The following UBR1 variants were observed in gnomAD, a reference collection of about 807,000 sequenced individuals.
UBR1 encodes ubiquitin protein ligase E3 component n-recognin 1, also known as E3 ubiquitin-protein ligase UBR1.
A neutral mutation model predicts 242.1 loss-of-function variants in UBR1; 102 were observed. The ratio of observed to expected loss-of-function variants is 0.42; its 90% CI spans 0.36 to 0.50. The LOEUF (loss-of-function observed/expected upper bound fraction) is 0.50, where lower values mean the gene tolerates loss of function less well. Ranked by LOEUF, UBR1 falls within the 20% of genes least tolerant of loss-of-function variation. UBR1 has a pLI of 0.01. For missense variants in UBR1, 1,772 were observed against 2,101.8 expected, an observed-to-expected ratio of 0.84 and a Z score of 3.07; for synonymous variants, 675 against 684.8, an observed-to-expected ratio of 0.99 and a Z score of 0.22.
chr15:43,013,270 T>C (rs1160262573), intron 29 of UBR1, among the ~76,000 whole-genome samples: 3 of 152,204 alleles, frequency 2.0e-5, no homozygotes, highest in African/African-American at 7.2e-5. Context: ...GTGGGTACTT[T>C]CAATATTTTA....
intron 1 of UBR1, among the ~76,000 whole-genome samples, chr15:43,089,356 G>A (rs367662879): frequency 1.1e-4 from 16 of 151,740 alleles, no homozygotes; most frequent in Admixed American, 2.6e-4. Context: ...TTAGCCAGGC[G>A]TGGTGGTAGG....
intron 46 of UBR1, among the ~76,000 whole-genome samples, chr15:42,945,768 C>CT (rs1430900206): frequency 6.6e-6 from 1 of 152,140 alleles, no homozygotes; most frequent in African/African-American, 2.4e-5. Flanking sequence ...CAGCACTATT[C>CT]TTTTTTGGTG....
rs915536049 is a variant in UBR1 at position 43,021,373 on chromosome 15, A to T, written c.2842T>A (p.Leu948Met). 4.3e-6 allele frequency: 7 copies of T among 1,613,346 alleles called. No homozygotes were observed. The highest frequency in any genetic ancestry group is 1.7e-4 in the Middle Eastern group (1 of 6,056). The change falls in exon 27 of 47, where the codon TTG becomes ATG. Residue 948 changes from leucine (L) to methionine (M), a missense_variant and splice_region_variant. By Grantham distance (15) the Leu-to-Met change is conservative. This residue lies in a region of UBR1 where 965 missense variants were observed against 1,079.7 expected (regional missense o/e 0.89). Transcript: ENST00000290650. ...TGTATATTCATGGCTGAACTTCCCA[A>T]TCCTTTTTTAAAACACAAAATCACA... ...TFDFYHKASRLGSSAMNIQML... is the reference protein window; with the variant it reads ...TFDFYHKASRMGSSAMNIQML...
chr15:42,984,033 A>G, intron 36 of UBR1, 40 bp from the exon 37 acceptor site: 1 of 1,539,992 alleles, frequency 6.5e-7, no homozygotes, highest in Non-Finnish European at 8.9e-7. Flanking sequence ...AGATGAGGGA[A>G]GATGAGAGAC....
chr15:43,103,687 A>T (rs1458811915), intron 1 of UBR1, among the ~76,000 whole-genome samples: 1 of 152,248 alleles, frequency 6.6e-6, no homozygotes, highest in African/African-American at 2.4e-5. Flanking sequence ...GGATCTGCAG[A>T]CTAAGAAGGA....
chr15:42,970,497 T>C lies in UBR1; in HGVS notation c.4457+23A>G. 1.9e-6 allele frequency: 3 copies of C among 1,601,190 alleles called. No individual in the cohort carries two copies. The South Asian group carries it at 3.3e-5, about 18-fold the overall frequency. On this transcript the variant is annotated intron_variant, in intron 40 of 46. Coordinates refer to ENST00000290650, the MANE Select transcript of UBR1 (RefSeq NM_174916.3). ...AAGAAATGGAATTATTACAATAGAC[T>C]GAACTAATGGATTGTTACTCACCCA...
At chr15:43,056,275 T>G in intron 11 of UBR1, 69 bp downstream of exon 11, 1 of 1,162,384 alleles carries the variant, frequency 8.6e-7, no homozygotes, top group Admixed American at 1.7e-5. Flanking sequence ...GATTCAACAT[T>G]AAGTGGAATT....
chr15:43,050,096 C>G, intron 12 of UBR1, among the ~76,000 whole-genome samples: 2 of 152,002 alleles, frequency 1.3e-5, no homozygotes, highest in Admixed American at 1.3e-4. Context: ...AGACTACAGG[C>G]GCGTGCCACC....
rs114699130 is a variant in UBR1, at chr15:42,992,830, T to C, written c.3758-2710A>G. On this transcript the variant is annotated intron_variant, in intron 33 of 46. Coordinates refer to ENST00000290650, the MANE Select transcript of UBR1 (RefSeq NM_174916.3). ...AGTCTCCCATGCTGTCAGTCAGATT[T>C]ATGACTGCGGATGCCCTTGGCGTGA... is the stretch of plus-strand genomic sequence containing the variant. Among the ~76,000 whole-genome samples the C allele has an allele frequency of 4.4e-3, 674 of 152,314 alleles. 9 individuals carry two copies. The highest frequency in any genetic ancestry group is 0.016 in the African/African-American group (647 of 41,574).
At chr15:42,950,912 G>A (rs1197392737) in intron 45 of UBR1, among the ~76,000 whole-genome samples, 3 of 152,154 alleles carry the variant, frequency 2.0e-5, no homozygotes, top group African/African-American at 2.4e-5. Flanking sequence ...AAAGGCTTGC[G>A]TACACATATA....
At position 43,068,030 on chromosome 15, in the gene UBR1, T is replaced by C; in HGVS notation, c.666A>G (p.Lys222=). 1 of 1,606,436 alleles carries C rather than the reference T, an allele frequency of 6.2e-7. No individual in the cohort carries two copies. The highest frequency in any genetic ancestry group is 8.5e-7 in the Non-Finnish European group (1 of 1,175,104). ...AAAGGACACAATAGTATCTTTCATTTTTCTCCCTGTTAGAAAAAAAACATA... is the reference window on the plus strand; with the variant it reads ...AAAGGACACAATAGTATCTTTCATTCTTCTCCCTGTTAGAAAAAAAACATA... The part of the protein sequence containing the change: ...ELPPELQIRE[K]NERYYCVLFN... Residue 222 remains lysine, a synonymous_variant, in exon 6 of 47, where the codon AAA becomes AAG. Coordinates refer to ENST00000290650, the MANE Select transcript of UBR1 (RefSeq NM_174916.3).
Position 43,021,361 on chromosome 15 carries a change from C to A in UBR1, c.2854G>T (p.Ala952Ser). The change falls in exon 27 of 47, where the codon GCC (alanine) becomes TCC (serine). Residue 952 changes from alanine to serine, a missense_variant. Coordinates refer to ENST00000290650, the MANE Select transcript of UBR1 (RefSeq NM_174916.3). The part of the protein sequence containing the change: ...YHKASRLGSS[A>S]MNIQMLLEKL... ...TCCAAAAGCATTTGTATATTCATGG[C>A]TGAACTTCCCAATCCTTTTTTAAAA... is the stretch of plus-strand genomic sequence containing the variant. 1.2e-6 allele frequency: 2 copies of A among 1,613,596 alleles called. No individual in the cohort carries two copies. Among genetic ancestry groups the A allele is most frequent in the Non-Finnish European group, 1.7e-6 (2 of 1,179,700 alleles).
At chr15:42,985,989 C>CAAA (rs1230190123) in intron 35 of UBR1, among the ~76,000 whole-genome samples, 38 of 46,698 alleles carry the variant, frequency 8.1e-4, no homozygotes, top group East Asian at 3.2e-3. Context: ...GACCCTGTCT[C>CAAA]AAAAAAAAAA....
chr15:42,966,562 C>T (rs2032109398), intron 40 of UBR1, among the ~76,000 whole-genome samples: 1 of 151,900 alleles, frequency 6.6e-6, no homozygotes, highest in Admixed American at 6.6e-5. Context: ...CCTGTGATCC[C>T]AGCTACTCGG....
chr15:43,099,961 C>T (rs1171340612), intron 1 of UBR1, among the ~76,000 whole-genome samples: 5 of 151,776 alleles, frequency 3.3e-5, no homozygotes, highest in African/African-American at 9.7e-5. Flanking sequence ...CTGCAAGCTC[C>T]GCCTCCCAGG....
chr15:43,011,153 G>A (rs2032918167), intron 29 of UBR1, among the ~76,000 whole-genome samples: 1 of 151,292 alleles, frequency 6.6e-6, no homozygotes, highest in African/African-American at 2.4e-5. Context: ...CTGCATTCTA[G>A]CCTGGGCAAC....
In UBR1 at chr15:43,004,956, T is replaced by A. The variant is rs547825185; in HGVS notation, c.3416-1026A>T. Among the ~76,000 whole-genome samples, 342 of 140,456 alleles carry A rather than the reference T, an allele frequency of 2.4e-3. 3 individuals are homozygous for A. Among genetic ancestry groups the A allele is most frequent in the African/African-American group, 8.7e-3 (319 of 36,776 alleles). The allele number at this position is 140,456 out of a possible 152,430, so 92.1% of individuals were successfully genotyped here. On this transcript the variant is annotated intron_variant, in intron 30 of 46. Coordinates refer to ENST00000290650, the MANE Select transcript of UBR1 (RefSeq NM_174916.3). ...GAGGAGTGTCTCTGCCCGGCACCCA[T>A]CGTCTGAGATGTGGGGAGCACCTCT...
intron 44 of UBR1, among the ~76,000 whole-genome samples, chr15:42,953,842 C>G (rs1200463695): frequency 6.6e-6 from 1 of 151,536 alleles, no homozygotes; most frequent in Non-Finnish European, 1.5e-5. Flanking sequence ...AAGACCAACA[C>G]TCTCCACAGA....
chr15:43,066,454 T>G lies in UBR1; in HGVS notation c.798+1444A>C, dbSNP rs1274603723. 3.3e-5 allele frequency among the ~76,000 whole-genome samples: 5 copies of G among 152,362 alleles called. No homozygotes were observed. The South Asian group carries it at 8.3e-4, about 25-fold the overall frequency. On this transcript the variant is annotated intron_variant, in intron 6 of 46. Transcript: ENST00000290650. The stretch of plus-strand genomic sequence containing the variant: ...TATATTGGCTATTTAGGCCCTTTTT[T>G]GGTTCCATTTGAATTTTTAAACAGT...
Sources: gnomAD v4.1 joint callset for allele counts (sites outside exome capture counted in the v4.1 genomes callset) on GRCh38, gnomAD v4.1.1 for gene constraint, gnomAD v4.1.1 regional missense constraint, MANE v1.5 for transcripts, NCBI Gene and HGNC (gene_info 2026-07-23, HGNC 2026-07-21) for gene names.